ZNF169: variants seen among roughly 807,000 people sequenced by gnomAD.
ZNF169 encodes the protein zinc finger protein 169.
Under a neutral mutation model 12.0 loss-of-function variants are expected in ZNF169, and 11 were observed. That is an observed-to-expected ratio of 0.92 (90% CI 0.58 to 1.52). The LOEUF is 1.52. Among genes scored for constraint, ZNF169 ranks in the 40% most tolerant of loss-of-function variants. The probability of loss-of-function intolerance (pLI) is 0.00; values close to 1 mark genes in which losing one functional copy is unlikely to be tolerated. For synonymous variants in ZNF169, 302 were observed against 286.5 expected, an observed-to-expected ratio of 1.05 and a Z score of -0.55; for missense variants, 722 against 744.0, an observed-to-expected ratio of 0.97 and a Z score of 0.34.
At chr9:94,279,905 C>T (rs575257934) in intron 2 of ZNF169, among the ~76,000 whole-genome samples, 132 of 152,322 alleles carry the variant, frequency 8.7e-4, no homozygotes, top group African/African-American at 3.0e-3. Flanking sequence ...AGATTGCCTA[C>T]TTCTCTGAAA....
At chr9:94,299,410 A>T in intron 4 of ZNF169, 1 of 598,692 alleles carries the variant, frequency 1.7e-6, no homozygotes, top group Non-Finnish European at 2.5e-6. Flanking sequence ...TATTTATAGC[A>T]CCTTCAAGAT....
intron 2 of ZNF169, among the ~76,000 whole-genome samples, chr9:94,279,206 A>G (rs1830577412): frequency 6.6e-6 from 1 of 152,028 alleles, no homozygotes; most frequent in Non-Finnish European, 1.5e-5. Flanking sequence ...AGCCTGGCCA[A>G]CATGGTAAAA....
chr9:94,288,902 A>G (rs1830772479), intron 2 of ZNF169, among the ~76,000 whole-genome samples: 2 of 152,302 alleles, frequency 1.3e-5, no homozygotes, highest in African/African-American at 4.8e-5. Context: ...AGAAAAGAAG[A>G]ACATGGTAAG....
At chr9:94,294,909 C>T (rs911949371) in intron 4 of ZNF169, 6 of 152,126 alleles carry the variant, frequency 3.9e-5, no homozygotes, top group African/African-American at 1.4e-4. Flanking sequence ...TATCTTCTTA[C>T]TTGTTTATTT....
intron 1 of ZNF169, among the ~76,000 whole-genome samples, chr9:94,270,989 A>T (rs866280011): frequency 4.6e-5 from 2 of 43,114 alleles, no homozygotes; most frequent in Non-Finnish European, 8.0e-5. Context: ...TAAATATACA[A>T]ATAATATATT....
At chr9:94,288,665 T>C (rs3118754) in intron 2 of ZNF169, 118,417 of 357,276 alleles carry the variant, frequency 0.33, 22,172 homozygotes, top group East Asian at 0.56. Flanking sequence ...GATCTGATAG[T>C]TTAAAAGTAT....
chr9:94,265,543 G>T (rs1435518111), intron 1 of ZNF169, among the ~76,000 whole-genome samples: 5 of 150,034 alleles, frequency 3.3e-5, no homozygotes, highest in Admixed American at 6.6e-5. Context: ...TCGCCCCATT[G>T]CACTCCATCC....
chr9:94,279,571 C>T (rs1448868820), intron 2 of ZNF169, among the ~76,000 whole-genome samples: 13 of 148,180 alleles, frequency 8.8e-5, no homozygotes, highest in Non-Finnish European at 1.5e-4. Flanking sequence ...GCCCGGGAGG[C>T]GGAGGTTGCA....
intron 1 of ZNF169, among the ~76,000 whole-genome samples, chr9:94,271,564 A>G (rs1197645176): frequency 2.0e-5 from 3 of 151,996 alleles, no homozygotes; most frequent in African/African-American, 7.2e-5. Context: ...TACTAAAAAT[A>G]CAAAAATTAG....
At chr9:94,281,575 A>G (rs1830632062) in intron 2 of ZNF169, among the ~76,000 whole-genome samples, 1 of 152,230 alleles carries the variant, frequency 6.6e-6, no homozygotes, top group South Asian at 2.1e-4. Flanking sequence ...TCTGAGCCAA[A>G]TATGAGTGAC....
chr9:94,266,894 AATT>A (rs1830302015), intron 1 of ZNF169, among the ~76,000 whole-genome samples: 1 of 148,726 alleles, frequency 6.7e-6, no homozygotes, highest in Non-Finnish European at 1.5e-5. Flanking sequence ...CAGAAAGAAT[AATT>A]ATTTTTCGTG....
chr9:94,292,577 C>A, intron 3 of ZNF169, 110 bp downstream of exon 3: 1 of 1,429,418 alleles, frequency 7.0e-7, no homozygotes, highest in Non-Finnish European at 9.4e-7. Flanking sequence ...CCCCTATTCC[C>A]CCAGAGAATG....
At chr9:94,285,551 C>T (rs1830707155) in intron 2 of ZNF169, among the ~76,000 whole-genome samples, 1 of 152,050 alleles carries the variant, frequency 6.6e-6, no homozygotes, top group Non-Finnish European at 1.5e-5. Context: ...TAAAAGCTCA[C>T]TGAGTAAATT....
At chr9:94,276,326 C>T (rs558021141) in intron 1 of ZNF169, among the ~76,000 whole-genome samples, 4 of 151,604 alleles carry the variant, frequency 2.6e-5, no homozygotes, top group South Asian at 2.1e-4. Flanking sequence ...AGTGCAATGG[C>T]GTGATTTCGG....
chr9:94,296,991 G>A (rs940870299), intron 4 of ZNF169: 10 of 312,856 alleles, frequency 3.2e-5, no homozygotes, highest in Admixed American at 2.9e-4. Context: ...AGGTTGCAGT[G>A]AGCCGAGATC....
intron 2 of ZNF169, among the ~76,000 whole-genome samples, chr9:94,290,662 T>G (rs1054900550): frequency 2.0e-5 from 3 of 152,232 alleles, no homozygotes; most frequent in Admixed American, 6.5e-5. Flanking sequence ...CACATTTTCT[T>G]TATTCATTCA....
intron 3 of ZNF169, chr9:94,292,730 C>T (rs1298805617): frequency 3.2e-6 from 2 of 617,932 alleles, no homozygotes; most frequent in Admixed American, 3.0e-5. Context: ...CTAAGGTTAT[C>T]CTCCTTCAAA....
chr9:94,269,991 G>C (rs894395414), intron 1 of ZNF169, among the ~76,000 whole-genome samples: 2 of 152,128 alleles, frequency 1.3e-5, no homozygotes, highest in Non-Finnish European at 2.9e-5. Context: ...TGTTTGTGGA[G>C]GCATGGGGAG....
Position 94,274,187 on chromosome 9 carries a change from T to C in ZNF169, c.-55-4571T>C, listed in dbSNP as rs186529975. 2.5e-3 allele frequency among the ~76,000 whole-genome samples: 379 copies of C among 152,296 alleles called. 1 individual carries two copies. The highest frequency in any genetic ancestry group is 6.8e-3 in the Middle Eastern group (2 of 294). On this transcript the variant is annotated intron_variant, in intron 1 of 4. Coordinates refer to ENST00000395395, the MANE Select transcript of ZNF169 (RefSeq NM_194320.4). ...TATATTGGAGTAGGGCCCACTCTAATGACCTCATTTTTACTTAGTTATCTC... is the reference window on the plus strand; with the variant it reads ...TATATTGGAGTAGGGCCCACTCTAACGACCTCATTTTTACTTAGTTATCTC...
Sources: allele counts gnomAD v4.1 joint callset (sites outside exome capture counted in the v4.1 genomes callset), GRCh38; gene constraint gnomAD v4.1.1; transcripts MANE v1.5; gene names NCBI Gene and HGNC (gene_info 2026-07-23, HGNC 2026-07-21).